Variants in NES observed in about 807,000 individuals in gnomAD.
NES encodes nestin.
A neutral mutation model predicts 35.6 loss-of-function variants in NES; 27 were observed. The ratio of observed to expected loss-of-function variants is 0.76; its 90% confidence interval spans 0.56 to 1.04. NES has a LOEUF of 1.04. Ranked by LOEUF, NES falls within the 50% of genes least tolerant of loss-of-function variation. The pLI is 0.00. For missense variants in NES, 1,867 were observed against 1,983.6 expected (o/e 0.94, Z 1.12); for synonymous variants, 822 against 824.2 (o/e 1.00, Z 0.04).
Position 156,669,777 on chromosome 1 carries a change from C to T in NES, c.4411G>A (p.Asp1471Asn), listed in dbSNP as rs1679660562. 1.2e-6 allele frequency: 2 copies of T among 1,613,922 alleles called. No individual in the cohort carries two copies. Among genetic ancestry groups the T allele is most frequent in the Non-Finnish European group, 8.5e-7 (1 of 1,180,012 alleles). The change falls in exon 4 of 4, where the codon GAC becomes AAC. Residue 1471 changes from aspartate to asparagine, a missense_variant. Transcript: ENST00000368223. The part of the protein sequence containing the change: ...DSVSVSVPWD[D>N]SLRGAVAGAP... ...CCAGCCACTGCACCCCTCAAGCTGTCATCCCAGGGGACACTGACACTCACA... is the reference window on the plus strand; with the variant it reads ...CCAGCCACTGCACCCCTCAAGCTGTTATCCCAGGGGACACTGACACTCACA...
In NES at chr1:156,669,718, C is replaced by T. The variant is rs1466081309; in HGVS notation, c.4470G>A (p.Gln1490=). Residue 1490 remains glutamine (Q), a synonymous_variant, in exon 4 of 4, where the codon CAG becomes CAA. Transcript: ENST00000368223. ...APKTALETES[Q]DSAEPSGSEE... ...CTGAGCCAGAAGGCTCAGCACTGTC[C>T]TGGGACTCCGTTTCCAGGGCAGTCT... The T allele has an allele frequency of 1.9e-6, 3 of 1,614,088 alleles. No individual in the cohort carries two copies. The highest frequency in any genetic ancestry group is 2.5e-6 in the Non-Finnish European group (3 of 1,179,994).
At chr1:156,673,376 T>C (rs1679777867) in intron 3 of NES, 78 bp downstream of exon 3, 1 of 1,431,956 alleles carries the variant, frequency 7.0e-7, no homozygotes, top group Non-Finnish European at 9.7e-7. Context: ...TTTAGATTGG[T>C]GCCTCTCGGG....
intron 2 of NES, 57 bp from the exon 3 acceptor site, chr1:156,673,584 C>G: frequency 7.3e-7 from 1 of 1,377,180 alleles, no homozygotes; most frequent in Non-Finnish European, 1.0e-6. Flanking sequence ...CTGCAGGCAG[C>G]AAGCCAGCTG....
At position 156,670,113 on chromosome 1, in the gene NES, ACTC is replaced by A. The variant is rs1476862604; in HGVS notation, c.4072_4074del (p.Glu1358del). On this transcript the variant is annotated inframe_deletion, in exon 4 of 4. Transcript: ENST00000368223. Reference sequence around the variant, plus strand: ...TCTGACAGGTCAGAGTCACGGCCACACTCCTCTTCTCCCTCCTCCCCCTCCTCC... The same window carrying A: ...TCTGACAGGTCAGAGTCACGGCCACACTCTTCTCCCTCCTCCCCCTCCTCC... The A allele has an allele frequency of 1.9e-6, 3 of 1,612,334 alleles. No homozygotes were observed. The highest frequency in any genetic ancestry group is 2.5e-6 in the Non-Finnish European group (3 of 1,179,542).
In NES at chr1:156,671,840, A is replaced by C. The variant is rs781482356; in HGVS notation, c.2348T>G (p.Val783Gly). ...DQMTLRPPEKVDLEPLKSLDQ... is the reference protein window; with the variant it reads ...DQMTLRPPEKGDLEPLKSLDQ... ...AAGAGACTTCAGTGGTTCTAGATCC[A>C]CTTTTTCTGGGGGTCTTAATGTCAT... Residue 783 changes from valine (V) to glycine (G), a missense_variant, in exon 4 of 4, where the codon GTG becomes GGG. Transcript: ENST00000368223. 2.6e-5 allele frequency: 42 copies of C among 1,613,818 alleles called. No homozygotes were observed. The highest frequency in any genetic ancestry group is 3.5e-5 in the Non-Finnish European group (41 of 1,179,958).
intron 3 of NES, 93 bp downstream of exon 3, chr1:156,673,361 T>C: frequency 7.2e-7 from 1 of 1,396,826 alleles, no homozygotes; most frequent in Non-Finnish European, 9.9e-7. Flanking sequence ...GCCACGGACT[T>C]GAAATTTAGA....
intron 3 of NES, 33 bp from the exon 4 acceptor site, chr1:156,673,238 G>C (rs1679774232): frequency 1.4e-6 from 2 of 1,452,746 alleles, no homozygotes; most frequent in African/African-American, 1.4e-5. Context: ...AACAGCATCA[G>C]TATATCACTG....
chr1:156,669,154 T>C lies in NES; in HGVS notation c.*168A>G. ...TACAGCCTCCATTCTTGGAGTAGGCTCCTTTGCCACACCCCTTTTCACCTT... is the reference window on the plus strand; with the variant it reads ...TACAGCCTCCATTCTTGGAGTAGGCCCCTTTGCCACACCCCTTTTCACCTT... On this transcript the variant is annotated 3_prime_UTR_variant, in exon 4 of 4. Coordinates refer to ENST00000368223, the MANE Select transcript of NES (RefSeq NM_006617.2). 2.0e-6 allele frequency: 1 copy of C among 492,178 alleles called. No individual in the cohort carries two copies. The allele number at this position is 492,178 out of a possible 1,614,324, so 30.5% of individuals were successfully genotyped here.
At chr1:156,674,430 C>T (rs1224509264) in intron 2 of NES, among the ~76,000 whole-genome samples, 1 of 152,176 alleles carries the variant, frequency 6.6e-6, no homozygotes, top group African/African-American at 2.4e-5. Context: ...TCCACGTCCT[C>T]CCCAGAGCCT....
At position 156,676,683 on chromosome 1, in the gene NES, CT is replaced by C; in HGVS notation, c.581del (p.Gln194ArgfsTer158). The C allele has an allele frequency of 6.7e-7, 1 of 1,499,538 alleles. No homozygotes were observed. The highest frequency in any genetic ancestry group is 8.8e-7 in the Non-Finnish European group (1 of 1,136,860). 92.9% of individuals were successfully genotyped at this position (1,499,538 alleles called of 1,614,324 possible). On this transcript the variant is annotated frameshift_variant, in exon 1 of 4. Transcript: ENST00000368223. LOFTEE classifies it high-confidence loss of function. This position sits in a 1 kb window ranked among gnomAD's most constrained non-coding sequence, Gnocchi z 5.3. ...ACGTCTCCATGTGTGCCACGCGCTC[CT>C]GGTAGCCGCGCACTGCCCCGCGCCA... The part of the protein sequence containing the change: ...EAWRGAVRGY[Q>X]ERVAHMETSL...
In NES at chr1:156,671,347, A is replaced by G; in HGVS notation, c.2841T>C (p.Asp947=). Residue 947 remains aspartate (D), a synonymous_variant, in exon 4 of 4, where the codon GAT becomes GAC. Coordinates refer to ENST00000368223, the MANE Select transcript of NES (RefSeq NM_006617.2). The part of the protein sequence containing the change: ...EEGQELPQSA[D]VQRWEDTVEK... ...CCACCGTATCTTCCCACCTCTGCAC[A>G]TCTGCAGACTGCGGCAGCTCCTGTC... 5 of 1,613,988 alleles carry G rather than the reference A, an allele frequency of 3.1e-6. No individual in the cohort carries two copies. Among genetic ancestry groups the G allele is most frequent in the Non-Finnish European group, 4.2e-6 (5 of 1,179,992 alleles).
At position 156,673,605 on chromosome 1, in the gene NES, A is replaced by T. The variant is rs903343293; in HGVS notation, c.909-78T>A. The T allele has an allele frequency of 7.4e-5, 81 of 1,090,178 alleles. No individual in the cohort carries two copies. In the African/African-American group the frequency reaches 1.1e-3, roughly 15 times the overall value. The allele number at this position is 1,090,178 out of a possible 1,614,324, so 67.5% of individuals were successfully genotyped here. A position where few individuals can be genotyped will look rare whatever the true frequency, so the allele number is the denominator to read the frequency against. On this transcript the variant is annotated intron_variant, in intron 2 of 3. Transcript: ENST00000368223. ...GCAGCAAGCCAGCTGGGGACAACTC[A>T]GGCTGAGCTTGCACCATCCAGGCCC... is the stretch of plus-strand genomic sequence containing the variant.
In NES at chr1:156,671,255, G is replaced by C. The variant is rs1161607757; in HGVS notation, c.2933C>G (p.Ala978Gly). Reference sequence around the variant, plus strand: ...ATCCTGCTCCCTCAGATTCAGCTCTGCCTCATCCTCATTTTCCACTCCAGC... The same window carrying C: ...ATCCTGCTCCCTCAGATTCAGCTCTCCCTCATCCTCATTTTCCACTCCAGC... ...GMAGVENEDE[A>G]ELNLREQDGF... The change falls in exon 4 of 4, where the codon GCA (alanine) becomes GGA (glycine). Residue 978 changes from alanine (A) to glycine (G), a missense_variant. Ala to Gly is a moderately conservative substitution (Grantham distance 60, BLOSUM62 0). Transcript: ENST00000368223. 1 of 1,614,102 alleles carries C rather than the reference G, an allele frequency of 6.2e-7. No individual in the cohort carries two copies. The highest frequency in any genetic ancestry group is 1.7e-5 in the Admixed American group (1 of 60,018).
chr1:156,674,181 T>TCCAGA (rs1679793941), intron 2 of NES, among the ~76,000 whole-genome samples: 1 of 152,162 alleles, frequency 6.6e-6, no homozygotes, highest in South Asian at 2.1e-4. Context: ...GCACTCTGGA[T>TCCAGA]CCCAAGCTCT....
Position 156,669,208 on chromosome 1 carries a change from A to G in NES, c.*114T>C, listed in dbSNP as rs1046650. 0.27 allele frequency: 182,831 copies of G among 687,650 alleles called. 26,204 individuals carry two copies. Among genetic ancestry groups the G allele is most frequent in the Non-Finnish European group, 0.3 (128,907 of 436,328 alleles). 42.6% of individuals were successfully genotyped at this position (687,650 alleles called of 1,614,324 possible). A position where few individuals can be genotyped will look rare whatever the true frequency, so the allele number is the denominator to read the frequency against. On this transcript the variant is annotated 3_prime_UTR_variant, in exon 4 of 4. Coordinates refer to ENST00000368223, the MANE Select transcript of NES (RefSeq NM_006617.2). ...GGGCCAGGCCTCTCAGCCAGAAACCATATGTCAAGAGATCGTAAGTTAAGA... is the reference window on the plus strand; with the variant it reads ...GGGCCAGGCCTCTCAGCCAGAAACCGTATGTCAAGAGATCGTAAGTTAAGA...
At chr1:156,674,313 C>T (rs1020806684) in intron 2 of NES, among the ~76,000 whole-genome samples, 1 of 152,174 alleles carries the variant, frequency 6.6e-6, no homozygotes, top group African/African-American at 2.4e-5. Context: ...TGCTTTGCTC[C>T]ATGATCTCTG....
chr1:156,677,173 TC>T lies in NES; in HGVS notation c.91del (p.Glu31SerfsTer79). 1 of 1,612,272 alleles carries T rather than the reference TC, an allele frequency of 6.2e-7. No individual in the cohort carries two copies. Among genetic ancestry groups the T allele is most frequent in the East Asian group, 2.2e-5 (1 of 44,842 alleles). On this transcript the variant is annotated frameshift_variant, in exon 1 of 4. Transcript: ENST00000368223. LOFTEE classifies it high-confidence loss of function. The surrounding 1 kb of genome is among the most constrained non-coding windows in gnomAD (Gnocchi z 4.5). The stretch of plus-strand genomic sequence containing the variant: ...CTCCGCGCTGAGCAGCTCATTCTGC[TC>T]CTCCAGCGCCTTGACCCGGGCCAGG... ...AYLARVKALE[E>X]QNELLSAELG...
rs754287972 is a variant in NES at position 156,669,642 on chromosome 1, G to A, written c.4546C>T (p.Pro1516Ser). The part of the protein sequence containing the change: ...SLEREDKVPG[P>S]LEIPSGMEDA... ...TCCATCCCACTGGGGATCTCTAGAG[G>A]GCCAGGGACTTTGTCCTCCCTCTCC... is the stretch of plus-strand genomic sequence containing the variant. Residue 1516 changes from proline to serine, a missense_variant, in exon 4 of 4, where the codon CCT (proline) becomes TCT (serine). Physicochemically the swap from Pro to Ser is moderately conservative, Grantham distance 74 (BLOSUM62 -1). Transcript: ENST00000368223. The A allele has an allele frequency of 1.9e-5, 30 of 1,613,940 alleles. No individual in the cohort carries two copies. The Admixed American group carries it at 3.8e-4, about 21-fold the overall frequency.
At position 156,676,901 on chromosome 1, in the gene NES, C is replaced by G. The variant is rs774927758; in HGVS notation, c.364G>C (p.Ala122Pro). ...ACCTGGCTACTCAGCCAGGCCCGGG[C>G]GCATTTCTCTGCCTCGACGGCGCGC... ...NRRAVEAEKC[A>P]RAWLSSQVAE... Residue 122 changes from alanine (A) to proline (P), a missense_variant, in exon 1 of 4, where the codon GCC becomes CCC. Physicochemically the swap from Ala to Pro is conservative, Grantham distance 27. Transcript: ENST00000368223. This position sits in a 1 kb window ranked among gnomAD's most constrained non-coding sequence, Gnocchi z 5.3. 3 of 1,552,280 alleles carry G rather than the reference C, an allele frequency of 1.9e-6. No individual in the cohort carries two copies. The highest frequency in any genetic ancestry group is 2.6e-6 in the Non-Finnish European group (3 of 1,159,366).
Sources: gnomAD v4.1 joint callset for allele counts (sites outside exome capture counted in the v4.1 genomes callset) on GRCh38, gnomAD v4.1.1 for gene constraint, Gnocchi (gnomAD v3.1) non-coding constraint, MANE v1.5 for transcripts, NCBI Gene and HGNC (gene_info 2026-07-23, HGNC 2026-07-21) for gene names.